The following EPHA3 variants were observed in gnomAD, a reference collection of about 807,000 sequenced individuals.
EPHA3 encodes the protein ephrin type-A receptor 3.
A neutral mutation model predicts 107.1 loss-of-function variants in EPHA3; 42 were observed. That is an observed-to-expected ratio of 0.39 (90% CI 0.31 to 0.51). EPHA3 has a LOEUF of 0.51. Ranked by LOEUF, EPHA3 falls within the 20% of genes least tolerant of loss-of-function variation. The pLI is 0.78. For missense variants in EPHA3, 1,183 were observed against 1,211.2 expected (o/e 0.98, Z 0.35); for synonymous variants, 461 against 424.8 (o/e 1.09, Z -1.05).
chr3:89,480,114 C>T lies in EPHA3; in HGVS notation c.*612C>T, dbSNP rs1231847871. 3.4e-5 allele frequency: 8 copies of T among 232,612 alleles called. No individual in the cohort carries two copies. The highest frequency in any genetic ancestry group is 5.1e-5 in the Non-Finnish European group (6 of 117,546). 14.4% of individuals were successfully genotyped at this position (232,612 alleles called of 1,614,324 possible). ...TTAAGTATATCATGTAAAGAAATGT[C>T]TTAATTTTTGAAAAAAGTACATATT... On this transcript the variant is annotated 3_prime_UTR_variant, in exon 17 of 17. Transcript: ENST00000336596.
At chr3:89,435,003 T>A (rs1333110227) in intron 13 of EPHA3, among the ~76,000 whole-genome samples, 1 of 152,166 alleles carries the variant, frequency 6.6e-6, no homozygotes, top group Non-Finnish European at 1.5e-5. Context: ...TAATCTCTCA[T>A]AATAGGCCTT....
At chr3:89,392,437 G>T (rs796511981) in intron 5 of EPHA3, among the ~76,000 whole-genome samples, 1 of 140,644 alleles carries the variant, frequency 7.1e-6, no homozygotes, top group African/African-American at 2.6e-5. Flanking sequence ...AAACTCCATC[G>T]AAAAAAAAAA....
Position 89,474,944 on chromosome 3 carries a change from C to T in EPHA3, c.2846+2325C>T, listed in dbSNP as rs570286547. 2.6e-5 allele frequency among the ~76,000 whole-genome samples: 4 copies of T among 152,228 alleles called. No homozygotes were observed. The South Asian group carries it at 8.3e-4, about 32-fold the overall frequency. On this transcript the variant is annotated intron_variant, in intron 16 of 16. Coordinates refer to ENST00000336596, the MANE Select transcript of EPHA3 (RefSeq NM_005233.6). ...GAAAGACAGCTTTTTCAGGTTTGTC[C>T]TGCACACTGAGTCAGGTGGTATGGA...
intron 7 of EPHA3, among the ~76,000 whole-genome samples, chr3:89,403,124 T>C (rs539873368): frequency 3.2e-4 from 49 of 152,324 alleles, no homozygotes; most frequent in Non-Finnish European, 5.0e-4. Context: ...AGAGCACATA[T>C]TGTTTTCTAA....
intron 3 of EPHA3, among the ~76,000 whole-genome samples, chr3:89,303,562 T>C (rs1318153850): frequency 6.6e-6 from 1 of 151,910 alleles, no homozygotes; most frequent in Non-Finnish European, 1.5e-5. Context: ...TATAGTTTTA[T>C]TATTCCTACA....
chr3:89,458,004 T>A (rs1159087244), intron 15 of EPHA3, among the ~76,000 whole-genome samples: 2 of 152,038 alleles, frequency 1.3e-5, no homozygotes, highest in Non-Finnish European at 2.9e-5. Context: ...TTGACAGTGG[T>A]AGGAAGAACA....
intron 1 of EPHA3, among the ~76,000 whole-genome samples, chr3:89,119,430 C>T (rs1707329964): frequency 6.6e-6 from 1 of 152,080 alleles, no homozygotes; most frequent in South Asian, 2.1e-4. Context: ...TGACACCATG[C>T]TCCTAAGATG....
chr3:89,375,783 A>G lies in EPHA3; in HGVS notation c.1307-20054A>G, dbSNP rs188678885. 4.6e-5 allele frequency among the ~76,000 whole-genome samples: 7 copies of G among 152,062 alleles called. No individual in the cohort carries two copies. In the East Asian group the frequency reaches 1.2e-3, roughly 25 times the overall value. ...GGGATATTGTACAGACACAAACAAA[A>G]TAGGCCCATTAGGTATCCTGGAAGA... On this transcript the variant is annotated intron_variant, in intron 5 of 16. Transcript: ENST00000336596.
chr3:89,158,741 G>A (rs907092865), intron 2 of EPHA3, among the ~76,000 whole-genome samples: 4 of 151,986 alleles, frequency 2.6e-5, no homozygotes, highest in Non-Finnish European at 5.9e-5. Context: ...AACATTCAAA[G>A]GACCCCAATG....
At chr3:89,270,130 A>G (rs1225429316) in intron 3 of EPHA3, among the ~76,000 whole-genome samples, 1 of 152,058 alleles carries the variant, frequency 6.6e-6, no homozygotes, top group Non-Finnish European at 1.5e-5. Context: ...TATTATTTAT[A>G]AGATTGAAAC....
intron 2 of EPHA3, among the ~76,000 whole-genome samples, chr3:89,151,494 C>A (rs1234705489): frequency 2.0e-5 from 3 of 151,972 alleles, no homozygotes; most frequent in Admixed American, 2.0e-4. Context: ...CACTTGGGGA[C>A]ATTAGAATGA....
chr3:89,407,870 T>C (rs528500409), intron 8 of EPHA3, among the ~76,000 whole-genome samples, 197 bp from the exon 9 acceptor site: 1 of 152,234 alleles, frequency 6.6e-6, no homozygotes, highest in African/African-American at 2.4e-5. Flanking sequence ...TATCTCCTCA[T>C]TAGGCAGCTT....
At chr3:89,447,388 GC>G (rs1709895484) in intron 13 of EPHA3, among the ~76,000 whole-genome samples, 2 of 152,022 alleles carry the variant, frequency 1.3e-5, no homozygotes, top group Non-Finnish European at 2.9e-5. Context: ...ACTGTTTCTT[GC>G]ATTCTTCATG....
chr3:89,322,756 T>A (rs1707073468), intron 3 of EPHA3, among the ~76,000 whole-genome samples: 1 of 152,158 alleles, frequency 6.6e-6, no homozygotes, highest in Non-Finnish European at 1.5e-5. Context: ...TCAGCTTTGG[T>A]GCTTTTACCA....
At position 89,445,980 on chromosome 3, in the gene EPHA3, ATG is replaced by A. The variant is rs147852790; in HGVS notation, c.2347-3230_2347-3229del. ...TTAAAGTTGTCATTCTAACAATAAT[ATG>A]TGTGTGTGTGTGTGCAGGCTACAAC... On this transcript the variant is annotated intron_variant, in intron 13 of 16. Coordinates refer to ENST00000336596, the MANE Select transcript of EPHA3 (RefSeq NM_005233.6). 1.1e-4 allele frequency among the ~76,000 whole-genome samples: 17 copies of A among 151,618 alleles called. No individual in the cohort carries two copies. The East Asian group carries it at 3.1e-3, about 28-fold the overall frequency.
intron 3 of EPHA3, among the ~76,000 whole-genome samples, chr3:89,291,677 C>T (rs1706208878): frequency 1.3e-5 from 2 of 152,084 alleles, no homozygotes; most frequent in South Asian, 4.1e-4. Context: ...AAATTGCTAA[C>T]TGAGGGCCTT....
At chr3:89,235,237 A>G (rs1407778479) in intron 3 of EPHA3, among the ~76,000 whole-genome samples, 3 of 151,882 alleles carry the variant, frequency 2.0e-5, no homozygotes, top group Non-Finnish European at 4.4e-5. Flanking sequence ...TTTCTTGACA[A>G]TAAATGTAAT....
intron 2 of EPHA3, among the ~76,000 whole-genome samples, chr3:89,209,304 C>T (rs1232431660): frequency 6.6e-6 from 1 of 151,964 alleles, no homozygotes; most frequent in Non-Finnish European, 1.5e-5. Context: ...TCTATTTTTA[C>T]TTCAAATTTT....
At chr3:89,140,801 G>C (rs1704414654) in intron 2 of EPHA3, among the ~76,000 whole-genome samples, 1 of 151,670 alleles carries the variant, frequency 6.6e-6, no homozygotes, top group Non-Finnish European at 1.5e-5. Flanking sequence ...CAAGGGGCTT[G>C]TAGAATCTTT....
Sources: allele counts gnomAD v4.1 joint callset (sites outside exome capture counted in the v4.1 genomes callset), GRCh38; gene constraint gnomAD v4.1.1; transcripts MANE v1.5; gene names NCBI Gene and HGNC (gene_info 2026-07-23, HGNC 2026-07-21).